Variants in SEMA3E observed in about 807,000 individuals in gnomAD.
SEMA3E encodes semaphorin-3E.
SEMA3E carries 49 observed loss-of-function variants against 93.6 expected under a neutral mutation model. That is an observed-to-expected ratio of 0.52 (90% CI 0.42 to 0.66). The LOEUF is 0.66. Among genes scored for constraint, SEMA3E ranks in the 30% least tolerant of loss-of-function variants. SEMA3E has a pLI of 0.00. For synonymous variants in SEMA3E, 363 were observed against 330.7 expected (o/e 1.10, Z -1.06); for missense variants, 906 against 964.8 (o/e 0.94, Z 0.81).
intron 1 of SEMA3E, among the ~76,000 whole-genome samples, chr7:83,500,753 C>T (rs555950603): frequency 7.7e-4 from 117 of 151,966 alleles, no homozygotes; most frequent in Non-Finnish European, 1.3e-3. Context: ...CCACCATACC[C>T]GGCTGATGTT....
intron 3 of SEMA3E, 120 bp downstream of exon 3, chr7:83,469,121 TCA>T: frequency 6.6e-6 from 5 of 759,274 alleles, no homozygotes; most frequent in Middle Eastern, 3.0e-4. Context: ...TATTTTTTCT[TCA>T]TGAACCAAAT....
At chr7:83,646,932 T>C (rs951497624) in intron 1 of SEMA3E, among the ~76,000 whole-genome samples, 1 of 152,058 alleles carries the variant, frequency 6.6e-6, no homozygotes, top group Non-Finnish European at 1.5e-5. Context: ...CTTATCTACT[T>C]GTCTACATAA....
At chr7:83,380,084 C>A (rs1156416292) in intron 16 of SEMA3E, among the ~76,000 whole-genome samples, 1 of 151,840 alleles carries the variant, frequency 6.6e-6, no homozygotes, top group Non-Finnish European at 1.5e-5. Flanking sequence ...AACTCAACAA[C>A]TTTCTCCCAA....
chr7:83,478,040 C>T (rs927619007), intron 2 of SEMA3E, among the ~76,000 whole-genome samples: 1 of 152,146 alleles, frequency 6.6e-6, no homozygotes, highest in African/African-American at 2.4e-5. Context: ...CCTGCCTCAG[C>T]CTCCCAACTA....
At chr7:83,615,135 G>A (rs1205561919) in intron 1 of SEMA3E, among the ~76,000 whole-genome samples, 3 of 151,962 alleles carry the variant, frequency 2.0e-5, no homozygotes, top group Non-Finnish European at 4.4e-5. Context: ...AATAACAATA[G>A]CTAATAGAAT....
chr7:83,616,005 A>C (rs953952544), intron 1 of SEMA3E, among the ~76,000 whole-genome samples: 2 of 136,528 alleles, frequency 1.5e-5, no homozygotes, highest in African/African-American at 5.2e-5. Context: ...AAAAAAAAAA[A>C]ACATTGGTAA....
chr7:83,519,579 A>G (rs1400861807), intron 1 of SEMA3E, among the ~76,000 whole-genome samples: 1 of 152,026 alleles, frequency 6.6e-6, no homozygotes, highest in South Asian at 2.1e-4. Context: ...AGCCTTCAAG[A>G]TTCATACCAA....
At chr7:83,536,002 T>G (rs938554521) in intron 1 of SEMA3E, among the ~76,000 whole-genome samples, 2 of 152,170 alleles carry the variant, frequency 1.3e-5, no homozygotes, top group Non-Finnish European at 2.9e-5. Context: ...ATGATTTGAT[T>G]TGAATTTGCC....
intron 3 of SEMA3E, 119 bp from the exon 4 acceptor site, chr7:83,466,720 G>T: frequency 7.9e-7 from 1 of 1,259,504 alleles, no homozygotes; most frequent in South Asian, 1.3e-5. Context: ...TCTGTTGGGT[G>T]AAGGAGGCAA....
intron 1 of SEMA3E, among the ~76,000 whole-genome samples, chr7:83,623,514 G>A (rs967327669): frequency 3.3e-5 from 5 of 151,388 alleles, no homozygotes; most frequent in African/African-American, 4.9e-5. Flanking sequence ...ATAAGTATAC[G>A]TTATGATTTT....
At chr7:83,498,875 T>G (rs1188115173) in intron 1 of SEMA3E, among the ~76,000 whole-genome samples, 1 of 152,174 alleles carries the variant, frequency 6.6e-6, no homozygotes, top group Non-Finnish European at 1.5e-5. Flanking sequence ...TTTCCCTCTA[T>G]TTAGTTCTTA....
intron 1 of SEMA3E, among the ~76,000 whole-genome samples, chr7:83,634,919 C>T (rs960781635): frequency 4.0e-5 from 6 of 151,890 alleles, no homozygotes; most frequent in Non-Finnish European, 5.9e-5. Context: ...AAAATTATAA[C>T]ATTTGACTTT....
chr7:83,464,578 T>G (rs1789709707), intron 4 of SEMA3E, among the ~76,000 whole-genome samples: 1 of 143,416 alleles, frequency 7.0e-6, no homozygotes, highest in African/African-American at 2.5e-5. Context: ...CTGAATCTCC[T>G]TAGGCACTCT....
intron 2 of SEMA3E, among the ~76,000 whole-genome samples, chr7:83,485,280 T>C (rs1279927350): frequency 6.6e-6 from 1 of 152,250 alleles, no homozygotes; most frequent in Non-Finnish European, 1.5e-5. Flanking sequence ...CATACTGCTA[T>C]GTGCCAAGCA....
chr7:83,520,680 A>G (rs180800834), intron 1 of SEMA3E, among the ~76,000 whole-genome samples: 16 of 152,294 alleles, frequency 1.1e-4, no homozygotes, highest in Middle Eastern at 6.8e-3. Context: ...TAATAGATGC[A>G]AGTTTAGCAT....
chr7:83,438,822 T>C (rs1789054167), intron 4 of SEMA3E, among the ~76,000 whole-genome samples: 1 of 152,194 alleles, frequency 6.6e-6, no homozygotes, highest in Non-Finnish European at 1.5e-5. Context: ...TAAACATTTA[T>C]GTATACACTT....
intron 1 of SEMA3E, among the ~76,000 whole-genome samples, chr7:83,542,270 G>GT (rs1250493585): frequency 6.6e-6 from 1 of 151,990 alleles, no homozygotes; most frequent in Admixed American, 6.6e-5. Flanking sequence ...TGAGGTGGGA[G>GT]TATCACTGGA....
intron 1 of SEMA3E, among the ~76,000 whole-genome samples, chr7:83,541,589 C>T (rs575664942): frequency 6.6e-6 from 1 of 152,164 alleles, no homozygotes; most frequent in Admixed American, 6.6e-5. Context: ...AACGAAGCAG[C>T]AACAAGATAA....
intron 1 of SEMA3E, among the ~76,000 whole-genome samples, chr7:83,497,982 T>C (rs1790521766): frequency 6.6e-6 from 1 of 152,160 alleles, no homozygotes; most frequent in African/African-American, 2.4e-5. Flanking sequence ...TTTAATGTTA[T>C]ATGGAAAAGT....
Sources: gnomAD v4.1 joint callset for allele counts (sites outside exome capture counted in the v4.1 genomes callset) on GRCh38, gnomAD v4.1.1 for gene constraint, MANE v1.5 for transcripts, NCBI Gene and HGNC (gene_info 2026-07-23, HGNC 2026-07-21) for gene names.